UBASH3A: variants seen among roughly 807,000 people sequenced by gnomAD.
UBASH3A encodes the protein ubiquitin-associated and SH3 domain-containing protein A.
Under a neutral mutation model 73.5 loss-of-function variants are expected in UBASH3A, and 63 were observed. That is an observed-to-expected ratio of 0.86 (90% CI 0.70 to 1.06). UBASH3A has a LOEUF of 1.06. Ranked by LOEUF, UBASH3A falls within the 50% of genes least tolerant of loss-of-function variation. The pLI is 0.00. For synonymous variants in UBASH3A, 363 were observed against 351.1 expected, an observed-to-expected ratio of 1.03 and a Z score of -0.38; for missense variants, 860 against 859.0, an observed-to-expected ratio of 1.00 and a Z score of -0.02.
intron 1 of UBASH3A, among the ~76,000 whole-genome samples, chr21:42,405,993 G>T (rs998896082): frequency 3.3e-5 from 5 of 150,310 alleles, no homozygotes; most frequent in Admixed American, 6.6e-5. Context: ...TGGGGGGGGG[G>T]GGGGCAGGCC....
At chr21:42,423,672 T>C (rs1035116011) in intron 7 of UBASH3A, among the ~76,000 whole-genome samples, 1 of 152,196 alleles carries the variant, frequency 6.6e-6, no homozygotes, top group African/African-American at 2.4e-5. Flanking sequence ...TCACAATTAA[T>C]ACATCAGACA....
intron 14 of UBASH3A, among the ~76,000 whole-genome samples, chr21:42,446,764 G>A (rs373258727): frequency 4.6e-5 from 7 of 152,242 alleles, no homozygotes; most frequent in African/African-American, 1.7e-4. Flanking sequence ...TCTACTCATT[G>A]TAGGATGTAC....
chr21:42,406,764 A>T (rs2052986033), intron 2 of UBASH3A, among the ~76,000 whole-genome samples: 1 of 152,114 alleles, frequency 6.6e-6, no homozygotes, highest in South Asian at 2.1e-4. Flanking sequence ...TTGGGTTTAT[A>T]TTAGTACTGC....
intron 10 of UBASH3A, among the ~76,000 whole-genome samples, chr21:42,435,940 T>C (rs183692043): frequency 1.3e-5 from 2 of 151,964 alleles, no homozygotes; most frequent in East Asian, 1.9e-4. Context: ...CATAGAGTTA[T>C]AGAGTTAGTT....
In UBASH3A at chr21:42,444,595, C is replaced by T. The variant is rs751231217; in HGVS notation, c.1800C>T (p.Leu600=). 2.1e-5 allele frequency: 34 copies of T among 1,614,076 alleles called. No homozygotes were observed. In the East Asian group the frequency reaches 5.8e-4, roughly 27 times the overall value. ...TGGACTCCTGCACGCGGCCACTGCT[C>T]GGGCTGCCGCCCCGGGAATGTGGGG... The part of the protein sequence containing the change: ...STLDSCTRPL[L]GLPPRECGDF... The change falls in exon 14 of 15, where the codon CTC becomes CTT. Residue 600 remains leucine (L), a synonymous_variant. Transcript: ENST00000319294.
At chr21:42,434,153 C>T (rs981722104) in intron 9 of UBASH3A, among the ~76,000 whole-genome samples, 4 of 152,156 alleles carry the variant, frequency 2.6e-5, no homozygotes, top group Non-Finnish European at 5.9e-5. Context: ...TGTTACCTCA[C>T]TGACACCTCG....
chr21:42,434,183 G>T (rs1357820812), intron 9 of UBASH3A, among the ~76,000 whole-genome samples: 1 of 152,152 alleles, frequency 6.6e-6, no homozygotes, highest in African/African-American at 2.4e-5. Context: ...CTCTTTCCCT[G>T]TTTTTTACTG....
chr21:42,410,149 C>G, intron 3 of UBASH3A: 1 of 702,214 alleles, frequency 1.4e-6, no homozygotes, highest in Non-Finnish European at 2.6e-6. Flanking sequence ...AAAAATGGCC[C>G]AGTGGGTAGC....
intron 3 of UBASH3A, chr21:42,410,163 A>G: frequency 1.4e-6 from 1 of 702,016 alleles, no homozygotes; most frequent in Non-Finnish European, 2.6e-6. Context: ...GGGTAGCTCC[A>G]CAGCAAAACA....
chr21:42,433,221 A>G (rs1464573393), intron 9 of UBASH3A, among the ~76,000 whole-genome samples: 1 of 152,258 alleles, frequency 6.6e-6, no homozygotes, highest in Non-Finnish European at 1.5e-5. Context: ...TTCCCAAGGT[A>G]GAGAGGCCCT....
intron 3 of UBASH3A, chr21:42,410,018 C>G: frequency 1.4e-6 from 1 of 699,556 alleles, no homozygotes; most frequent in East Asian, 2.7e-5. Context: ...TAGCACAGCC[C>G]CTAAAACAGA....
intron 5 of UBASH3A, among the ~76,000 whole-genome samples, chr21:42,415,755 C>G (rs1230517410): frequency 6.6e-6 from 1 of 152,206 alleles, no homozygotes; most frequent in East Asian, 1.9e-4. Context: ...AAAGTGCAGC[C>G]TAAAACTAGG....
intron 8 of UBASH3A, among the ~76,000 whole-genome samples, chr21:42,431,725 G>A (rs1462195978): frequency 6.6e-6 from 1 of 152,144 alleles, no homozygotes; most frequent in Non-Finnish European, 1.5e-5. Flanking sequence ...TATATAGATA[G>A]GTAATCTATA....
In UBASH3A at chr21:42,434,897, GA is replaced by G; in HGVS notation, c.1337del (p.Asp446AlafsTer82). 1 of 1,614,200 alleles carries G rather than the reference GA, an allele frequency of 6.2e-7. No individual in the cohort carries two copies. The highest frequency in any genetic ancestry group is 2.2e-5 in the East Asian group (1 of 44,886). The stretch of plus-strand genomic sequence containing the variant: ...GCCAAGACGGAGTCGTGGGATCAAA[GA>G]CTTTGAAAACGATCCCCCATTATCA... ...SLPRRSRGIK[D>X]FENDPPLSSC... On this transcript the variant is annotated frameshift_variant, in exon 10 of 15. Coordinates refer to ENST00000319294, the MANE Select transcript of UBASH3A (RefSeq NM_018961.4). LOFTEE classifies it high-confidence loss of function.
intron 2 of UBASH3A, among the ~76,000 whole-genome samples, chr21:42,407,428 A>G (rs1010422662): frequency 1.3e-5 from 2 of 152,142 alleles, no homozygotes; most frequent in Non-Finnish European, 2.9e-5. Flanking sequence ...CCAGTTGCCA[A>G]TTTTGGATCA....
rs2053134687 is a variant in UBASH3A at position 42,413,106 on chromosome 21, T to C, written c.437T>C (p.Val146Ala). 1.2e-6 allele frequency: 2 copies of C among 1,614,070 alleles called. No homozygotes were observed. Residue 146 changes from valine (V) to alanine (A), a missense_variant, in exon 4 of 15, where the codon GTG becomes GCG. By Grantham distance (64) the Val-to-Ala change is moderately conservative. Coordinates refer to ENST00000319294, the MANE Select transcript of UBASH3A (RefSeq NM_018961.4). This position sits in a 1 kb window ranked among gnomAD's most constrained non-coding sequence, Gnocchi z 4.5. ...CTCCTGGGCTCCTTCCCCACGGCCGTGCCTCTGGCTCTCCACTCCTCCATC... is the reference window on the plus strand; with the variant it reads ...CTCCTGGGCTCCTTCCCCACGGCCGCGCCTCTGGCTCTCCACTCCTCCATC... The part of the protein sequence containing the change: ...DRLLGSFPTA[V>A]PLALHSSISY...
intron 7 of UBASH3A, among the ~76,000 whole-genome samples, chr21:42,420,906 T>C (rs1296708460): frequency 6.6e-6 from 1 of 152,210 alleles, no homozygotes; most frequent in African/African-American, 2.4e-5. Context: ...TAGACTAGCA[T>C]TTGATGGGAT....
rs373996943 is a variant in UBASH3A, at chr21:42,416,159, G to T, written c.668-283G>T. Among the ~76,000 whole-genome samples the T allele has an allele frequency of 2.0e-5, 3 of 152,258 alleles. 1 individual carries two copies. Among genetic ancestry groups the T allele is most frequent in the East Asian group, 1.9e-4 (1 of 5,182 alleles). ...AACGTGCACACCCCGGGGAATGGAG[G>T]AGCCGTTTACTCTGTGCATCTGAAT... On this transcript the variant is annotated intron_variant, in intron 5 of 14. Coordinates refer to ENST00000319294, the MANE Select transcript of UBASH3A (RefSeq NM_018961.4).
intron 12 of UBASH3A, 46 bp from the exon 13 acceptor site, chr21:42,443,266 C>T (rs772027609): frequency 6.3e-7 from 1 of 1,582,664 alleles, no homozygotes; most frequent in Non-Finnish European, 8.6e-7. Context: ...CTTCCTAATC[C>T]CTACGAAAGT....
Sources: allele counts gnomAD v4.1 joint callset (sites outside exome capture counted in the v4.1 genomes callset), GRCh38; gene constraint gnomAD v4.1.1; non-coding constraint Gnocchi (gnomAD v3.1); transcripts MANE v1.5; gene names NCBI Gene and HGNC (gene_info 2026-07-23, HGNC 2026-07-21).